The following TBC1D19 variants were observed in gnomAD, a reference collection of about 807,000 sequenced individuals.
TBC1D19 encodes the protein TBC1 domain family member 19.
TBC1D19 carries 60 observed loss-of-function variants against 89.0 expected under a neutral mutation model. That is an observed-to-expected ratio of 0.67 (90% CI 0.55 to 0.84). The LOEUF is 0.84. Among genes scored for constraint, TBC1D19 ranks in the 40% least tolerant of loss-of-function variants. The probability of loss-of-function intolerance (pLI) is 0.00; values close to 1 mark genes in which losing one functional copy is unlikely to be tolerated. For synonymous variants in TBC1D19, 189 were observed against 199.7 expected, an observed-to-expected ratio of 0.95 and a Z score of 0.45; for missense variants, 500 against 610.8, an observed-to-expected ratio of 0.82 and a Z score of 1.91.
the TBC1D19 span, among the ~76,000 whole-genome samples, chr4:26,798,959 G>A: frequency 6.0e-3 from 916 of 152,138 alleles, 7 homozygotes; most frequent in African/African-American, 0.021. Context: ...GGATACACTA[G>A]AAGCCCAATT....
intron 14 of TBC1D19, among the ~76,000 whole-genome samples, chr4:26,718,614 G>A (rs1716791174): frequency 6.6e-6 from 1 of 151,970 alleles, no homozygotes. Context: ...CCATTTCCAT[G>A]AAGAAAGAAA....
At chr4:26,757,037 G>A (rs1378594956), downstream of TBC1D19, among the ~76,000 whole-genome samples, 2 of 148,952 alleles carry the variant, frequency 1.3e-5, no homozygotes, top group East Asian at 3.9e-4. Flanking sequence ...TTTTTTTGAC[G>A]CAGTCTGGCT....
At chr4:26,659,892 A>G (rs188491266) in intron 8 of TBC1D19, among the ~76,000 whole-genome samples, 185 bp downstream of exon 8, 43 of 152,340 alleles carry the variant, frequency 2.8e-4, no homozygotes, top group Non-Finnish European at 4.9e-4. Flanking sequence ...TAGAACTAAA[A>G]ATGAGTTCAC....
the TBC1D19 span, among the ~76,000 whole-genome samples, chr4:26,851,319 A>ATCTATCTATCTGTCTG: frequency 2.0e-5 from 3 of 147,510 alleles, no homozygotes; most frequent in East Asian, 4.0e-4. Flanking sequence ...CTATCTATCT[A>ATCTATCTATCTGTCTG]TCTATCTATC....
the TBC1D19 span, among the ~76,000 whole-genome samples, chr4:26,794,425 AG>A: frequency 6.6e-6 from 1 of 152,150 alleles, no homozygotes; most frequent in South Asian, 2.1e-4. Context: ...AACTTCATCA[AG>A]GGTAAAAGAG....
At chr4:26,721,327 T>C (rs1716962809) in intron 15 of TBC1D19, among the ~76,000 whole-genome samples, 1 of 152,030 alleles carries the variant, frequency 6.6e-6, no homozygotes, top group Non-Finnish European at 1.5e-5. Flanking sequence ...TCTCTCTCAG[T>C]TAATTGAATT....
At chr4:26,620,840 C>T (rs1560422845) in intron 4 of TBC1D19, 152 bp downstream of exon 4, 1 of 664,436 alleles carries the variant, frequency 1.5e-6, no homozygotes, top group Non-Finnish European at 2.4e-6. Flanking sequence ...TGTATATTCT[C>T]CCATTTTATA....
At chr4:26,699,096 G>C (rs1312306195) in intron 13 of TBC1D19, among the ~76,000 whole-genome samples, 1 of 151,946 alleles carries the variant, frequency 6.6e-6, no homozygotes, top group African/African-American at 2.4e-5. Flanking sequence ...ATGGGAGAAA[G>C]TTTTTGCAAT....
At position 26,637,264 on chromosome 4, in the gene TBC1D19, G is replaced by A. The variant is rs773341420; in HGVS notation, c.348G>A (p.Leu116=). 1.6e-5 allele frequency: 25 copies of A among 1,610,416 alleles called. No homozygotes were observed. Among genetic ancestry groups the A allele is most frequent in the Non-Finnish European group, 2.0e-5 (24 of 1,178,160 alleles). The change falls in exon 5 of 21, where the codon CTG becomes CTA. Residue 116 remains leucine (L), a synonymous_variant. Transcript: ENST00000264866. The part of the protein sequence containing the change: ...LKSLNSMCTE[L]SIPLARKRPV... ...GTTTAAATAGTATGTGCACTGAACT[G>A]AGTATCCCACTGGCACGAAAGGTAC...
intron 7 of TBC1D19, among the ~76,000 whole-genome samples, chr4:26,650,114 G>T (rs943390199): frequency 6.6e-6 from 1 of 151,988 alleles, no homozygotes; most frequent in African/African-American, 2.4e-5. Context: ...GACTACCATT[G>T]TTGGACATTT....
Position 26,584,095 on chromosome 4 carries a change from G to T in TBC1D19, c.-99G>T, listed in dbSNP as rs1017254949. On this transcript the variant is annotated 5_prime_UTR_variant, in exon 1 of 21. Coordinates refer to ENST00000264866, the MANE Select transcript of TBC1D19 (RefSeq NM_018317.4). ...GCTGGAGGAGTCCCAGTGTAATAAG[G>T]TCCCGGAGAAGTGTCACTGGCCCTG... 14 of 1,205,340 alleles carry T rather than the reference G, an allele frequency of 1.2e-5. No individual in the cohort carries two copies. The African/African-American group carries it at 1.4e-4, about 12-fold the overall frequency. 74.7% of individuals were successfully genotyped at this position (1,205,340 alleles called of 1,614,324 possible).
At chr4:26,665,178 G>T (rs1320168078) in intron 8 of TBC1D19, among the ~76,000 whole-genome samples, 1 of 152,116 alleles carries the variant, frequency 6.6e-6, no homozygotes, top group Non-Finnish European at 1.5e-5. Flanking sequence ...TGGACAAGAT[G>T]CAGTACTTTT....
At chr4:26,734,035 A>G (rs2109301371) in intron 15 of TBC1D19, among the ~76,000 whole-genome samples, 1 of 152,338 alleles carries the variant, frequency 6.6e-6, no homozygotes, top group African/African-American at 2.4e-5. Flanking sequence ...AGAGCAGGAG[A>G]GAGAGCAGTG....
At chr4:26,599,110 A>G (rs899159158) in intron 1 of TBC1D19, among the ~76,000 whole-genome samples, 3 of 152,146 alleles carry the variant, frequency 2.0e-5, no homozygotes, top group Non-Finnish European at 4.4e-5. Context: ...AGACAGATCT[A>G]TAATATTATA....
chr4:26,739,946 A>C lies in TBC1D19; in HGVS notation c.1200A>C (p.Arg400Ser). The C allele has an allele frequency of 6.3e-7, 1 of 1,594,930 alleles. No homozygotes were observed. The highest frequency in any genetic ancestry group is 8.5e-7 in the Non-Finnish European group (1 of 1,171,236). Reference protein sequence around the residue: ...FREMYVRFFFRLHSISSHPSG... With the variant: ...FREMYVRFFFSLHSISSHPSG... ...AGATGTATGTGCGTTTTTTCTTCAG[A>C]CTCCATTCCATCTCTTCTCATCCTT... The change falls in exon 17 of 21, where the codon AGA becomes AGC. Residue 400 changes from arginine to serine, a missense_variant. Coordinates refer to ENST00000264866, the MANE Select transcript of TBC1D19 (RefSeq NM_018317.4).
At chr4:26,722,058 C>T (rs912443147) in intron 15 of TBC1D19, among the ~76,000 whole-genome samples, 5 of 152,114 alleles carry the variant, frequency 3.3e-5, no homozygotes, top group African/African-American at 1.2e-4. Context: ...TTTGTTTATA[C>T]TTTATCTCCT....
the TBC1D19 span, among the ~76,000 whole-genome samples, chr4:26,803,951 G>A: frequency 6.6e-6 from 1 of 151,762 alleles, no homozygotes; most frequent in African/African-American, 2.4e-5. Context: ...AGGAAAGAGG[G>A]AATTTTCTGG....
At chr4:26,693,794 A>T (rs560939140) in intron 13 of TBC1D19, among the ~76,000 whole-genome samples, 33 of 152,304 alleles carry the variant, frequency 2.2e-4, no homozygotes, top group Non-Finnish European at 3.2e-4. Context: ...CCAGACCGAA[A>T]TTCTGGCGTT....
At chr4:26,819,297 C>T in the TBC1D19 span, among the ~76,000 whole-genome samples, 1 of 152,184 alleles carries the variant, frequency 6.6e-6, no homozygotes, top group Admixed American at 6.5e-5. Context: ...GAAGGTAGGA[C>T]GTCCCCTGGT....
Sources: gnomAD v4.1 joint callset for allele counts (sites outside exome capture counted in the v4.1 genomes callset) on GRCh38, gnomAD v4.1.1 for gene constraint, MANE v1.5 for transcripts, NCBI Gene and HGNC (gene_info 2026-07-23, HGNC 2026-07-21) for gene names.